Variants in TOPAZ1 observed in about 807,000 individuals in gnomAD.
The protein encoded by TOPAZ1 is testis and ovary specific TOPAZ 1.
Under a neutral mutation model 172.2 loss-of-function variants are expected in TOPAZ1, and 66 were observed. The ratio of observed to expected loss-of-function variants is 0.38; its 90% CI spans 0.31 to 0.47. The LOEUF is 0.47. Among genes scored for constraint, TOPAZ1 ranks in the 20% least tolerant of loss-of-function variants. TOPAZ1 has a pLI of 0.99. For synonymous variants in TOPAZ1, 681 were observed against 683.9 expected, an observed-to-expected ratio of 1.00 and a Z score of 0.07; for missense variants, 1,822 against 1,972.4, an observed-to-expected ratio of 0.92 and a Z score of 1.44.
At chr3:44,334,099 G>T (rs78803257), downstream of TOPAZ1, among the ~76,000 whole-genome samples, 1 of 152,136 alleles carries the variant, frequency 6.6e-6, no homozygotes, top group Non-Finnish European at 1.5e-5. Flanking sequence ...TTCCAAATTT[G>T]GGGGAAAGAA....
Position 44,242,881 on chromosome 3 carries a change from C to T in TOPAZ1, c.375C>T (p.Ala125=), listed in dbSNP as rs1481504652. 7.9e-6 allele frequency: 12 copies of T among 1,518,368 alleles called. No homozygotes were observed. The South Asian group carries it at 1.4e-4, about 18-fold the overall frequency. 94.1% of individuals were successfully genotyped at this position (1,518,368 alleles called of 1,614,324 possible). The stretch of plus-strand genomic sequence containing the variant: ...AGGAAAAAAGAAAAGTTACTGAAGC[C>T]TCAAGTGATGATCCACAGCCAGGGC... The part of the protein sequence containing the change: ...HTKEKRKVTE[A]SSDDPQPGLD... Residue 125 remains alanine (A), a synonymous_variant, in exon 2 of 20, where the codon GCC becomes GCT. Coordinates refer to ENST00000309765, the MANE Select transcript of TOPAZ1 (RefSeq NM_001145030.2).
intron 2 of TOPAZ1, among the ~76,000 whole-genome samples, chr3:44,252,308 G>A (rs4615049): frequency 0.34 from 52,404 of 151,994 alleles, 9,890 homozygotes; most frequent in African/African-American, 0.46. Context: ...TAAATTCTAT[G>A]TTCTTATTTT....
chr3:44,321,507 T>C (rs1298595145), intron 17 of TOPAZ1, among the ~76,000 whole-genome samples: 1 of 152,196 alleles, frequency 6.6e-6, no homozygotes, highest in African/African-American at 2.4e-5. Context: ...TTTTCTCTTA[T>C]CACTGAATAA....
At chr3:44,272,169 C>T (rs1699905892) in intron 8 of TOPAZ1, among the ~76,000 whole-genome samples, 1 of 152,146 alleles carries the variant, frequency 6.6e-6, no homozygotes, top group African/African-American at 2.4e-5. Flanking sequence ...AGGTTGATTC[C>T]ATACCTTGGC....
chr3:44,278,990 G>A (rs1167827996), intron 8 of TOPAZ1, among the ~76,000 whole-genome samples: 1 of 151,768 alleles, frequency 6.6e-6, no homozygotes, highest in African/African-American at 2.4e-5. Context: ...TTCCCTTTTA[G>A]AATAGTTGTT....
intron 12 of TOPAZ1, among the ~76,000 whole-genome samples, chr3:44,294,162 T>C (rs915752627): frequency 7.9e-5 from 12 of 151,950 alleles, no homozygotes; most frequent in African/African-American, 2.4e-4. Context: ...ATTGCTTGAA[T>C]CTGGAAAGCA....
At chr3:44,303,534 T>C (rs1444788655) in intron 12 of TOPAZ1, among the ~76,000 whole-genome samples, 1 of 149,394 alleles carries the variant, frequency 6.7e-6, no homozygotes, top group Non-Finnish European at 1.5e-5. Flanking sequence ...ACTTAGTCTT[T>C]GCAGCAGTAT....
intron 11 of TOPAZ1, 62 bp downstream of exon 11, chr3:44,287,901 A>T (rs1406578469): frequency 2.5e-6 from 2 of 794,510 alleles, no homozygotes; most frequent in African/African-American, 4.0e-5. Flanking sequence ...AATTGTTTCC[A>T]TGGGGGGGTA....
At position 44,244,094 on chromosome 3, in the gene TOPAZ1, G is replaced by C; in HGVS notation, c.1588G>C (p.Asp530His). ...GTCTCAGGAAAGTTGTAGGCAAGTT[G>C]ATGTCCCTAAACACCAAACAAACCA... ...RGSQESCRQVDVPKHQTNQTH... is the reference protein window; with the variant it reads ...RGSQESCRQVHVPKHQTNQTH... Residue 530 changes from aspartate to histidine, a missense_variant, in exon 2 of 20, where the codon GAT (aspartate) becomes CAT (histidine). Around this residue, in one of 2 missense-constraint regions of TOPAZ1, gnomAD observed 1,489 missense variants for 1,490.8 expected, o/e 1.00. Coordinates refer to ENST00000309765, the MANE Select transcript of TOPAZ1 (RefSeq NM_001145030.2). 3 of 1,551,684 alleles carry C rather than the reference G, an allele frequency of 1.9e-6. No individual in the cohort carries two copies. Among genetic ancestry groups the C allele is most frequent in the Non-Finnish European group, 2.6e-6 (3 of 1,146,966 alleles).
chr3:44,283,049 GA>G (rs1700040294), intron 9 of TOPAZ1, among the ~76,000 whole-genome samples: 1 of 152,036 alleles, frequency 6.6e-6, no homozygotes, highest in Non-Finnish European at 1.5e-5. Context: ...GATGTGGAAG[GA>G]AAAAGGATGT....
chr3:44,328,204 A>C, intron 18 of TOPAZ1, 46 bp from the exon 19 acceptor site: 1 of 1,266,734 alleles, frequency 7.9e-7, no homozygotes, highest in Non-Finnish European at 1.1e-6. Flanking sequence ...CTAGGTTTTT[A>C]CCTATTGGGT....
intron 2 of TOPAZ1, among the ~76,000 whole-genome samples, chr3:44,249,856 G>A (rs1222940317): frequency 2.0e-5 from 3 of 152,148 alleles, no homozygotes; most frequent in Non-Finnish European, 2.9e-5. Flanking sequence ...TAAGTAGGGT[G>A]ATGCTAGATT....
chr3:44,242,953 A>C lies in TOPAZ1; in HGVS notation c.447A>C (p.Gln149His). Residue 149 changes from glutamine (Q) to histidine (H), a missense_variant, in exon 2 of 20, where the codon CAA becomes CAC. This residue lies in a region of TOPAZ1 where 1,489 missense variants were observed against 1,490.8 expected (regional missense o/e 1.00). Transcript: ENST00000309765. ...CATTAACCAGTTCGGAATCTTTCCA[A>C]ACAGTGGAATGCTTGCAGTCTTTGG... The part of the protein sequence containing the change: ...KESLTSSESF[Q>H]TVECLQSLGK... The C allele has an allele frequency of 6.4e-7, 1 of 1,550,916 alleles. No individual in the cohort carries two copies. Among genetic ancestry groups the C allele is most frequent in the Non-Finnish European group, 8.7e-7 (1 of 1,146,788 alleles).
At chr3:44,298,909 ATTTTTTT>A (rs1220596657) in intron 12 of TOPAZ1, among the ~76,000 whole-genome samples, 8 of 41,314 alleles carry the variant, frequency 1.9e-4, no homozygotes, top group African/African-American at 3.9e-4. Flanking sequence ...ATATATATAT[ATTTTTTT>A]TTTTTTTTTT....
chr3:44,281,004 A>AC (rs1472492236), intron 8 of TOPAZ1, among the ~76,000 whole-genome samples: 1 of 151,992 alleles, frequency 6.6e-6, no homozygotes, highest in Non-Finnish European at 1.5e-5. Context: ...TTTCCAGGCA[A>AC]CCCCCTACAT....
chr3:44,292,130 A>G (rs1255846248), intron 12 of TOPAZ1, among the ~76,000 whole-genome samples: 1 of 152,200 alleles, frequency 6.6e-6, no homozygotes, highest in African/African-American at 2.4e-5. Context: ...GCAGCTCTAA[A>G]TAGTACTTCT....
At chr3:44,258,729 G>T (rs982991834) in intron 4 of TOPAZ1, among the ~76,000 whole-genome samples, 2 of 152,148 alleles carry the variant, frequency 1.3e-5, no homozygotes, top group African/African-American at 4.8e-5. Flanking sequence ...TGGATATCTA[G>T]ATTGTTTCCA....
chr3:44,262,585 T>C (rs1699787044), intron 5 of TOPAZ1, 102 bp downstream of exon 5: 1 of 575,796 alleles, frequency 1.7e-6, no homozygotes, highest in South Asian at 2.7e-5. Context: ...GCTTGGGCTA[T>C]ATGCCATAAG....
intron 11 of TOPAZ1, among the ~76,000 whole-genome samples, chr3:44,289,466 T>C (rs150419346): frequency 6.6e-6 from 1 of 150,968 alleles, no homozygotes; most frequent in African/African-American, 2.4e-5. Flanking sequence ...AGGCTTTAAA[T>C]AGTCATTTTT....
Sources: allele counts gnomAD v4.1 joint callset (sites outside exome capture counted in the v4.1 genomes callset), GRCh38; gene constraint gnomAD v4.1.1; regional missense constraint gnomAD v4.1.1; transcripts MANE v1.5; gene names NCBI Gene and HGNC (gene_info 2026-07-23, HGNC 2026-07-21).